GRM7: variants seen among roughly 807,000 people sequenced by gnomAD.
The protein encoded by GRM7 is glutamate metabotropic receptor 7, also known as metabotropic glutamate receptor 7.
Under a neutral mutation model 84.5 loss-of-function variants are expected in GRM7, and 35 were observed. That is an observed-to-expected ratio of 0.41 (90% CI 0.32 to 0.55). The LOEUF is 0.55. GRM7 is among the 20% of genes least tolerant of loss of function. The pLI, the probability that GRM7 is intolerant of heterozygous loss-of-function variation, is 0.19. For missense variants in GRM7, 1,003 were observed against 1,194.6 expected (o/e 0.84, Z 2.36); for synonymous variants, 487 against 455.1 (o/e 1.07, Z -0.89).
chr3:6,953,598 T>TA (rs1216575652), intron 1 of GRM7, among the ~76,000 whole-genome samples: 1 of 152,200 alleles, frequency 6.6e-6, no homozygotes, highest in Non-Finnish European at 1.5e-5. Context: ...TTTGTATAAC[T>TA]AAAAAAGCAC....
chr3:7,466,445 G>A (rs925233641), intron 7 of GRM7, among the ~76,000 whole-genome samples: 1 of 152,110 alleles, frequency 6.6e-6, no homozygotes, highest in Non-Finnish European at 1.5e-5. Flanking sequence ...TAGGGTAGGA[G>A]TATATTTCTG....
intron 2 of GRM7, among the ~76,000 whole-genome samples, chr3:7,248,913 T>G (rs1336651081): frequency 6.6e-6 from 1 of 152,154 alleles, no homozygotes; most frequent in Non-Finnish European, 1.5e-5. Flanking sequence ...TCACTCATAC[T>G]GAGATCAGTT....
At chr3:6,925,539 G>A (rs747656200) in intron 1 of GRM7, among the ~76,000 whole-genome samples, 1 of 152,092 alleles carries the variant, frequency 6.6e-6, no homozygotes, top group Non-Finnish European at 1.5e-5. Flanking sequence ...CATATCATTA[G>A]GTCTAAAAGA....
intron 7 of GRM7, among the ~76,000 whole-genome samples, chr3:7,464,243 G>A (rs571186969): frequency 1.0e-5 from 1 of 97,260 alleles, no homozygotes; most frequent in South Asian, 2.7e-4. Context: ...CCAAATGAAT[G>A]GGATACATAT....
intron 2 of GRM7, among the ~76,000 whole-genome samples, chr3:7,280,823 A>AT (rs1699229097): frequency 1.3e-5 from 2 of 152,170 alleles, no homozygotes; most frequent in African/African-American, 4.8e-5. Flanking sequence ...CTAATGGCTT[A>AT]TTCTGTAATT....
At chr3:7,153,302 C>T (rs866423505) in intron 2 of GRM7, among the ~76,000 whole-genome samples, 1 of 151,984 alleles carries the variant, frequency 6.6e-6, no homozygotes, top group South Asian at 2.1e-4. Flanking sequence ...CTGTTGTTTG[C>T]CTTCAACCTT....
At chr3:7,372,329 A>T (rs889943269) in intron 4 of GRM7, among the ~76,000 whole-genome samples, 1 of 152,194 alleles carries the variant, frequency 6.6e-6, no homozygotes, top group African/African-American at 2.4e-5. Context: ...AGGTGTTGGC[A>T]GTATCCATTT....
chr3:6,974,585 G>GA (rs1337367936), intron 1 of GRM7, among the ~76,000 whole-genome samples: 2 of 152,128 alleles, frequency 1.3e-5, no homozygotes, highest in African/African-American at 4.8e-5. Flanking sequence ...GGTAGGAAAA[G>GA]AAAAAAGAGA....
chr3:7,620,936 A>C (rs182392972), intron 8 of GRM7, among the ~76,000 whole-genome samples: 5 of 151,926 alleles, frequency 3.3e-5, no homozygotes, highest in African/African-American at 9.6e-5. Flanking sequence ...TTCTTGCCAC[A>C]GGAGAGTGGG....
intron 7 of GRM7, among the ~76,000 whole-genome samples, chr3:7,502,912 G>T (rs1699927236): frequency 6.6e-6 from 1 of 152,152 alleles, no homozygotes; most frequent in Admixed American, 6.5e-5. Context: ...GAAACTGTGA[G>T]TCCAAGTGCC....
At chr3:7,325,244 T>C (rs1287254306) in intron 4 of GRM7, among the ~76,000 whole-genome samples, 1 of 152,178 alleles carries the variant, frequency 6.6e-6, no homozygotes, top group Non-Finnish European at 1.5e-5. Flanking sequence ...GTGAGGGAGA[T>C]GGTTACTTCC....
intron 1 of GRM7, among the ~76,000 whole-genome samples, chr3:7,144,635 A>C (rs981207367): frequency 5.9e-5 from 9 of 152,212 alleles, no homozygotes; most frequent in African/African-American, 2.2e-4. Context: ...GGCATCGTGC[A>C]AAGCAATGCA....
intron 1 of GRM7, among the ~76,000 whole-genome samples, chr3:6,904,596 G>T (rs1696501836): frequency 6.6e-6 from 1 of 152,118 alleles, no homozygotes; most frequent in Admixed American, 6.6e-5. Flanking sequence ...ACAGGACTAT[G>T]ATGCTACCTC....
intron 7 of GRM7, among the ~76,000 whole-genome samples, chr3:7,521,786 G>C (rs918736805): frequency 2.0e-5 from 3 of 152,064 alleles, no homozygotes; most frequent in African/African-American, 7.2e-5. Context: ...AAAAAAGAAC[G>C]CCGAGTAGCC....
chr3:7,529,538 T>C (rs1158048347), intron 7 of GRM7, among the ~76,000 whole-genome samples: 2 of 152,070 alleles, frequency 1.3e-5, no homozygotes, highest in Admixed American at 6.6e-5. Context: ...ATTAACATTA[T>C]AGACTCTTAA....
intron 9 of GRM7, among the ~76,000 whole-genome samples, chr3:7,723,139 T>G (rs190582550): frequency 1.2e-4 from 18 of 152,306 alleles, no homozygotes; most frequent in African/African-American, 4.1e-4. Context: ...CAGACACCAG[T>G]ACTCCAAATT....
rs78092571 is a variant in GRM7 at position 7,195,312 on chromosome 3, T to C, written c.736+48644T>C. Reference sequence around the variant, plus strand: ...AAGACTGCCTCTGTCTCACTTGATTTAGTTTGGTGGCTTCTTGTGGATGGG... The same window carrying C: ...AAGACTGCCTCTGTCTCACTTGATTCAGTTTGGTGGCTTCTTGTGGATGGG... On this transcript the variant is annotated intron_variant, in intron 2 of 9. Transcript: ENST00000357716. Among the ~76,000 whole-genome samples, 58 of 152,312 alleles carry C rather than the reference T, an allele frequency of 3.8e-4. 1 individual carries two copies. In the East Asian group the frequency reaches 0.01, roughly 27 times the overall value.
At chr3:7,201,413 T>C (rs895797434) in intron 2 of GRM7, among the ~76,000 whole-genome samples, 1 of 152,168 alleles carries the variant, frequency 6.6e-6, no homozygotes, top group Admixed American at 6.5e-5. Flanking sequence ...TAGATGTGTA[T>C]ATACTAGAAT....
chr3:7,167,973 CAAAAAAAAAAAAAAAAA>C (rs60681836), intron 2 of GRM7, among the ~76,000 whole-genome samples: 10 of 54,612 alleles, frequency 1.8e-4, no homozygotes, highest in South Asian at 2.5e-3. Flanking sequence ...GACTCTGTCT[CAAAAAAAAAAAAAAAAA>C]AAAAAAAAAA....
Sources: gnomAD v4.1 joint callset for allele counts (sites outside exome capture counted in the v4.1 genomes callset) on GRCh38, gnomAD v4.1.1 for gene constraint, MANE v1.5 for transcripts, NCBI Gene and HGNC (gene_info 2026-07-23, HGNC 2026-07-21) for gene names.